LRBA: variants seen among roughly 807,000 people sequenced by gnomAD.
The protein encoded by LRBA is lipopolysaccharide-responsive and beige-like anchor protein.
In LRBA, 176 loss-of-function variants were observed where a neutral mutation model predicts 330.0. The ratio of observed to expected loss-of-function variants is 0.53; its 90% CI spans 0.47 to 0.60. LRBA has a LOEUF of 0.60. Among genes scored for constraint, LRBA ranks in the 20% least tolerant of loss-of-function variants. LRBA has a pLI of 0.00. For synonymous variants in LRBA, 1,230 were observed against 1,193.0 expected, an observed-to-expected ratio of 1.03 and a Z score of -0.64; for missense variants, 3,259 against 3,444.8, an observed-to-expected ratio of 0.95 and a Z score of 1.35.
intron 41 of LRBA, among the ~76,000 whole-genome samples, chr4:150,489,541 A>T (rs1758579228): frequency 9.6e-6 from 1 of 104,036 alleles, no homozygotes; most frequent in South Asian, 2.7e-4. Flanking sequence ...AATATATATT[A>T]TATATAAGAA....
chr4:150,724,540 A>T (rs1469322364), intron 36 of LRBA, among the ~76,000 whole-genome samples: 1 of 152,142 alleles, frequency 6.6e-6, no homozygotes, highest in Non-Finnish European at 1.5e-5. Context: ...ATTAGCAAGT[A>T]TAAACATCAT....
rs757447160 is a variant in LRBA, at chr4:150,914,293, T to C, written c.1063A>G (p.Arg355Gly). Residue 355 changes from arginine to glycine, a missense_variant, in exon 9 of 57, where the codon AGA (arginine) becomes GGA (glycine). By Grantham distance (125) the Arg-to-Gly change is moderately radical (BLOSUM62 -2). Coordinates refer to ENST00000651943, the MANE Select transcript of LRBA (RefSeq NM_001364905.1). ...LGSSETADAN[R>G]VFCGQMTAVY... is the part of the protein sequence containing the mutation. Reference sequence around the variant, plus strand: ...GCAGTCATCTGACCACAGAATACTCTATTAGCATCTGCTGTTTCTGATGAG... The same window carrying C: ...GCAGTCATCTGACCACAGAATACTCCATTAGCATCTGCTGTTTCTGATGAG... 6.3e-7 allele frequency: 1 copy of C among 1,599,752 alleles called. No individual in the cohort carries two copies.
intron 36 of LRBA, among the ~76,000 whole-genome samples, chr4:150,694,459 T>TAAAAAAAAAAAAAAAAAAA (rs1296371573): frequency 1.3e-4 from 1 of 7,494 alleles, no homozygotes; most frequent in Non-Finnish European, 1.1e-3. Flanking sequence ...GTGTGATCTT[T>TAAAAAAAAAAAAAAAAAAA]AACAAAAAAA....
intron 47 of LRBA, among the ~76,000 whole-genome samples, chr4:150,399,980 A>ACAAT (rs57262800): frequency 0.41 from 61,896 of 151,320 alleles, 13,121 homozygotes; most frequent in South Asian, 0.51. Flanking sequence ...TGTCAATCAA[A>ACAAT]CAATCAATCA....
chr4:150,611,467 C>T (rs1174952890), intron 37 of LRBA, among the ~76,000 whole-genome samples: 1 of 152,132 alleles, frequency 6.6e-6, no homozygotes, highest in Non-Finnish European at 1.5e-5. Context: ...TAATATACTT[C>T]TTATGACAGT....
intron 2 of LRBA, among the ~76,000 whole-genome samples, chr4:150,976,836 T>A (rs1456020816): frequency 6.6e-6 from 1 of 152,156 alleles, no homozygotes; most frequent in Non-Finnish European, 1.5e-5. Context: ...TGTGGGATCC[T>A]GCATTGAACA....
At position 150,852,124 on chromosome 4, in the gene LRBA, C is replaced by T. The variant is rs751542001; in HGVS notation, c.3586G>A (p.Val1196Ile). The change falls in exon 23 of 57, where the codon GTT becomes ATT. Residue 1196 changes from valine to isoleucine, a missense_variant. Physicochemically the swap from Val to Ile is conservative, Grantham distance 29. Coordinates refer to ENST00000651943, the MANE Select transcript of LRBA (RefSeq NM_001364905.1). ...TCTGATTCTACAGCTATTTGGGAAA[C>T]AGTAGTTTCTGGTGACATAGCTGAA... is the stretch of plus-strand genomic sequence containing the variant. ...GSSAMSPETT[V>I]SQIAVESDLG... 6 of 1,613,984 alleles carry T rather than the reference C, an allele frequency of 3.7e-6. No individual in the cohort carries two copies. Among genetic ancestry groups the T allele is most frequent in the African/African-American group, 2.7e-5 (2 of 74,930 alleles).
chr4:150,803,356 A>C (rs1742029773), intron 33 of LRBA, among the ~76,000 whole-genome samples: 1 of 152,034 alleles, frequency 6.6e-6, no homozygotes, highest in Non-Finnish European at 1.5e-5. Context: ...AATAAAGGGA[A>C]GTAGAGATAT....
intron 2 of LRBA, among the ~76,000 whole-genome samples, chr4:150,946,314 T>C (rs540485364): frequency 6.6e-6 from 1 of 152,258 alleles, no homozygotes; most frequent in African/African-American, 2.4e-5. Context: ...CACCCAATTA[T>C]AGAACAATAA....
intron 48 of LRBA, among the ~76,000 whole-genome samples, chr4:150,349,212 G>A (rs1204841135): frequency 6.6e-6 from 1 of 152,082 alleles, no homozygotes; most frequent in East Asian, 1.9e-4. Flanking sequence ...TCAAGTGCTA[G>A]GGAAAAATGG....
intron 41 of LRBA, among the ~76,000 whole-genome samples, chr4:150,489,863 A>G (rs1758683239): frequency 6.7e-6 from 1 of 149,442 alleles, no homozygotes; most frequent in South Asian, 2.1e-4. Flanking sequence ...CAGAAGAAAA[A>G]AATCATCATA....
chr4:150,845,009 G>A (rs1325348923), intron 26 of LRBA, among the ~76,000 whole-genome samples: 1 of 152,154 alleles, frequency 6.6e-6, no homozygotes, highest in Non-Finnish European at 1.5e-5. Flanking sequence ...GTATGGCCTA[G>A]TGGTCTAAAC....
In LRBA at chr4:150,583,324, G is replaced by A; in HGVS notation, c.6330+4724C>T. 1.2e-6 allele frequency: 2 copies of A among 1,614,220 alleles called. No homozygotes were observed. The highest frequency in any genetic ancestry group is 1.7e-6 in the Non-Finnish European group (2 of 1,180,046). On this transcript the variant is annotated intron_variant, in intron 40 of 56. Coordinates refer to ENST00000651943, the MANE Select transcript of LRBA (RefSeq NM_001364905.1). This position sits in a 1 kb window ranked among gnomAD's most constrained non-coding sequence, Gnocchi z 9.8. ...CGACGGCTCGCTGCCCGGCTGCGCA[G>A]TGCTCAAACTGAGCGATGGGCGGAA...
At chr4:150,579,295 C>G in intron 40 of LRBA, 1 of 454,876 alleles carries the variant, frequency 2.2e-6, no homozygotes, top group South Asian at 1.5e-5. Context: ...ATTATTCAAC[C>G]AGAGGAAGAG....
chr4:150,964,306 C>G (rs1738634160), intron 2 of LRBA, among the ~76,000 whole-genome samples: 2 of 149,498 alleles, frequency 1.3e-5, no homozygotes, highest in South Asian at 4.1e-4. Context: ...GCCCGGCCGC[C>G]ACCCCGTCTG....
chr4:150,768,399 T>C (rs1453519962), intron 34 of LRBA, among the ~76,000 whole-genome samples: 1 of 152,106 alleles, frequency 6.6e-6, no homozygotes, highest in Non-Finnish European at 1.5e-5. Flanking sequence ...AAAAAGAAAG[T>C]TAGAATCCCA....
chr4:150,286,115 C>A, intron 53 of LRBA, 81 bp from the exon 54 acceptor site: 1 of 940,564 alleles, frequency 1.1e-6, no homozygotes, highest in Non-Finnish European at 1.6e-6. Flanking sequence ...TCCTAATTTC[C>A]ATCATGCCTA....
chr4:150,857,205 T>A (rs983314913), intron 22 of LRBA, among the ~76,000 whole-genome samples: 1 of 152,104 alleles, frequency 6.6e-6, no homozygotes, highest in Non-Finnish European at 1.5e-5. Context: ...GATCTTCCCA[T>A]ATGTATTATC....
chr4:150,815,494 T>C (rs72719630), intron 31 of LRBA, among the ~76,000 whole-genome samples: 244 of 152,000 alleles, frequency 1.6e-3, no homozygotes, highest in Admixed American at 3.5e-3. Flanking sequence ...ATTTGAGAAT[T>C]CTCTGTACTT....
Sources: allele counts gnomAD v4.1 joint callset (sites outside exome capture counted in the v4.1 genomes callset), GRCh38; gene constraint gnomAD v4.1.1; non-coding constraint Gnocchi (gnomAD v3.1); transcripts MANE v1.5; gene names NCBI Gene and HGNC (gene_info 2026-07-23, HGNC 2026-07-21).